NKIRAS1: variants seen among roughly 807,000 people sequenced by gnomAD.
NKIRAS1 encodes the protein NF-kappa-B inhibitor-interacting Ras-like protein 1.
A neutral mutation model predicts 19.8 loss-of-function variants in NKIRAS1; 16 were observed. The ratio of observed to expected loss-of-function variants is 0.81; its 90% CI spans 0.55 to 1.23. The LOEUF (loss-of-function observed/expected upper bound fraction) is 1.23, where lower values mean the gene tolerates loss of function less well. NKIRAS1 is among the 50% of genes most tolerant of loss of function. NKIRAS1 has a pLI of 0.00. For missense variants in NKIRAS1, 184 were observed against 220.0 expected, an observed-to-expected ratio of 0.84 and a Z score of 1.04; for synonymous variants, 88 against 79.0, an observed-to-expected ratio of 1.11 and a Z score of -0.61.
At chr3:23,940,024 TAATTTA>T (rs542540404) in intron 1 of NKIRAS1, among the ~76,000 whole-genome samples, 167 of 152,162 alleles carry the variant, frequency 1.1e-3, no homozygotes, top group Non-Finnish European at 2.1e-3. Context: ...TCATTTTAAC[TAATTTA>T]AATTTAAATT....
upstream of NKIRAS1, chr3:23,919,752 G>GT: frequency 8.0e-7 from 1 of 1,253,454 alleles, no homozygotes; most frequent in Non-Finnish European, 1.0e-6. Context: ...AACATACTGT[G>GT]TGGTATAACA....
chr3:23,906,075 C>A (rs1296774888), intron 3 of NKIRAS1, among the ~76,000 whole-genome samples: 1 of 143,166 alleles, frequency 7.0e-6, no homozygotes, highest in Non-Finnish European at 1.5e-5. Context: ...AGGAGAATCA[C>A]TTGAACCTAG....
chr3:23,912,599 C>T (rs1163650083), intron 1 of NKIRAS1, among the ~76,000 whole-genome samples: 7 of 152,262 alleles, frequency 4.6e-5, no homozygotes, highest in African/African-American at 9.6e-5. Context: ...GGTGGGACTG[C>T]AAACTAGCTC....
At chr3:23,944,840 G>C (rs373713127) in intron 1 of NKIRAS1, among the ~76,000 whole-genome samples, 1 of 151,680 alleles carries the variant, frequency 6.6e-6, no homozygotes, top group East Asian at 2.0e-4. Context: ...GGGAGCGGGG[G>C]GTGGGGGTGG....
In NKIRAS1 at chr3:23,900,913, T is replaced by C. The variant is rs770477165; in HGVS notation, c.231A>G (p.Ser77=). 6.2e-7 allele frequency: 1 copy of C among 1,614,112 alleles called. No homozygotes were observed. The highest frequency in any genetic ancestry group is 1.1e-5 in the South Asian group (1 of 91,088). ...ACACAAGAACGAAGCCATCAGCAAA[T>C]GAAAAATAATGCTTTGGCAGCTCCA... ...EGVELPKHYF[S]FADGFVLVYS... The change falls in exon 4 of 5, where the codon TCA becomes TCG. Residue 77 remains serine (S), a synonymous_variant. Transcript: ENST00000425478.
chr3:23,945,646 C>G (rs1705644169), intron 1 of NKIRAS1: 1 of 1,148,838 alleles, frequency 8.7e-7, no homozygotes, highest in Admixed American at 4.7e-5. Flanking sequence ...GCGCTCAGAG[C>G]CCGCGGGGCA....
chr3:23,940,834 A>C (rs1705481170), intron 1 of NKIRAS1, among the ~76,000 whole-genome samples: 1 of 152,246 alleles, frequency 6.6e-6, no homozygotes, highest in Non-Finnish European at 1.5e-5. Flanking sequence ...GCCTGGAAGA[A>C]GGTACGTCAC....
intron 1 of NKIRAS1, among the ~76,000 whole-genome samples, chr3:23,938,474 A>G (rs1705437144): frequency 6.6e-6 from 1 of 152,134 alleles, no homozygotes; most frequent in African/African-American, 2.4e-5. Context: ...AGACTCCCAG[A>G]GTGTTATGAT....
chr3:23,944,914 G>A (rs1705591192), intron 1 of NKIRAS1, among the ~76,000 whole-genome samples: 2 of 152,024 alleles, frequency 1.3e-5, no homozygotes, highest in Admixed American at 6.5e-5. Context: ...AATCACCCTT[G>A]CTCGGCGCCA....
chr3:23,920,781 G>A (rs1323190658), upstream of NKIRAS1: 1 of 965,882 alleles, frequency 1.0e-6, no homozygotes, highest in East Asian at 1.1e-4. Context: ...AAGATCTTAA[G>A]TCATACATTT....
intron 4 of NKIRAS1, among the ~76,000 whole-genome samples, chr3:23,900,176 C>G (rs938706125): frequency 6.6e-6 from 1 of 151,620 alleles, no homozygotes; most frequent in Non-Finnish European, 1.5e-5. Context: ...AAAACAAAAA[C>G]AAAAACCCAA....
intron 1 of NKIRAS1, chr3:23,945,511 AGGCGGCGGC>A: frequency 3.2e-6 from 3 of 931,888 alleles, no homozygotes; most frequent in Non-Finnish European, 4.0e-6. Context: ...CGCGGCGCTG[AGGCGGCGGC>A]GGCGGCGCTG....
chr3:23,940,473 G>C (rs2063023028), intron 1 of NKIRAS1, among the ~76,000 whole-genome samples: 1 of 151,986 alleles, frequency 6.6e-6, no homozygotes, highest in Admixed American at 6.6e-5. Context: ...TTGCATTGTA[G>C]TGTGTGTGCT....
chr3:23,945,501 C>T, intron 1 of NKIRAS1: 53 of 914,198 alleles, frequency 5.8e-5, no homozygotes, highest in Non-Finnish European at 6.7e-5. Context: ...CCCGGGGCGG[C>T]GCGGCGCTGA....
chr3:23,918,588 T>G (rs1197292236), upstream of NKIRAS1: 7 of 1,611,984 alleles, frequency 4.3e-6, no homozygotes, highest in Non-Finnish European at 5.9e-6. Flanking sequence ...TAAATGGTTT[T>G]GAGTAGCAGT....
intron 1 of NKIRAS1, among the ~76,000 whole-genome samples, chr3:23,932,481 G>C (rs1410980421): frequency 6.6e-6 from 1 of 151,988 alleles, no homozygotes; most frequent in Non-Finnish European, 1.5e-5. Flanking sequence ...CTGAGGTCGG[G>C]AGTCCAAGAC....
At chr3:23,913,291 A>G (rs953702501) in intron 1 of NKIRAS1, among the ~76,000 whole-genome samples, 2 of 152,220 alleles carry the variant, frequency 1.3e-5, no homozygotes, top group Admixed American at 6.5e-5. Context: ...TCAAAACACT[A>G]GCTAAGAATT....
At chr3:23,894,318 C>G (rs1185259375) in intron 4 of NKIRAS1, among the ~76,000 whole-genome samples, 1 of 152,218 alleles carries the variant, frequency 6.6e-6, no homozygotes, top group South Asian at 2.1e-4. Context: ...TGAGGAGCAG[C>G]AGTGAACTCA....
At chr3:23,907,996 T>A (rs1703239980) in intron 3 of NKIRAS1, among the ~76,000 whole-genome samples, 1 of 152,200 alleles carries the variant, frequency 6.6e-6, no homozygotes, top group South Asian at 2.1e-4. Context: ...AAGCCTATCA[T>A]TTCAAGGAAA....
Sources: allele counts gnomAD v4.1 joint callset (sites outside exome capture counted in the v4.1 genomes callset), GRCh38; gene constraint gnomAD v4.1.1; transcripts MANE v1.5; gene names NCBI Gene and HGNC (gene_info 2026-07-23, HGNC 2026-07-21).